The following RFTN2 variants were observed in gnomAD, a reference collection of about 807,000 sequenced individuals.
The protein encoded by RFTN2 is raftlin-2.
Under a neutral mutation model 52.7 loss-of-function variants are expected in RFTN2, and 34 were observed. The ratio of observed to expected loss-of-function variants is 0.64; its 90% confidence interval spans 0.49 to 0.86. The LOEUF (loss-of-function observed/expected upper bound fraction) is 0.86. Among genes scored for constraint, RFTN2 ranks in the 40% least tolerant of loss-of-function variants. The pLI is 0.00. For synonymous variants in RFTN2, 203 were observed against 217.7 expected, an observed-to-expected ratio of 0.93 and a Z score of 0.59; for missense variants, 536 against 600.1, an observed-to-expected ratio of 0.89 and a Z score of 1.12.
intron 5 of RFTN2, among the ~76,000 whole-genome samples, chr2:197,627,566 T>C (rs1023001860): frequency 6.6e-6 from 1 of 152,274 alleles, no homozygotes; most frequent in African/African-American, 2.4e-5. Context: ...CACACAAACA[T>C]TTTTATAGGA....
chr2:197,648,594 C>A (rs913976608), intron 1 of RFTN2, among the ~76,000 whole-genome samples: 3 of 152,082 alleles, frequency 2.0e-5, no homozygotes, highest in Non-Finnish European at 4.4e-5. Context: ...TGAAACATAA[C>A]CTAAACTTAT....
chr2:197,637,328 C>T (rs906721628), intron 3 of RFTN2, among the ~76,000 whole-genome samples: 1 of 152,118 alleles, frequency 6.6e-6, no homozygotes, highest in South Asian at 2.1e-4. Flanking sequence ...CCAGTTGTTC[C>T]TTGTACCTCT....
rs187844978 is a variant in RFTN2 at position 197,651,587 on chromosome 2, G to A, written c.140-4921C>T. 5.1e-3 allele frequency among the ~76,000 whole-genome samples: 770 copies of A among 152,188 alleles called. 10 individuals carry two copies. The highest frequency in any genetic ancestry group is 0.018 in the African/African-American group (730 of 41,512). On this transcript the variant is annotated intron_variant, in intron 1 of 8. Coordinates refer to ENST00000295049, the MANE Select transcript of RFTN2 (RefSeq NM_144629.3). ...TGAGCTATCGTGTCACTGCATTCCA[G>A]CCTGGGTGATAAGAGTGAAACTCCA...
At chr2:197,577,888 T>C (rs956858592) in intron 8 of RFTN2, among the ~76,000 whole-genome samples, 5 of 152,204 alleles carry the variant, frequency 3.3e-5, no homozygotes, top group Admixed American at 1.3e-4. Context: ...GGGTAATTTT[T>C]CTATTTTTTA....
chr2:197,573,085 A>G (rs1343587958), intron 8 of RFTN2, among the ~76,000 whole-genome samples: 5 of 142,430 alleles, frequency 3.5e-5, no homozygotes, highest in African/African-American at 1.3e-4. Flanking sequence ...AATACAGTAA[A>G]TTGGTACTAG....
At chr2:197,630,399 A>G (rs2088450007) in intron 5 of RFTN2, among the ~76,000 whole-genome samples, 1 of 152,094 alleles carries the variant, frequency 6.6e-6, no homozygotes, top group Non-Finnish European at 1.5e-5. Context: ...CATCTCTTAA[A>G]AAAACTTCCT....
intron 1 of RFTN2, among the ~76,000 whole-genome samples, chr2:197,661,490 A>C (rs758560134): frequency 6.6e-6 from 1 of 152,150 alleles, no homozygotes; most frequent in Non-Finnish European, 1.5e-5. Context: ...ATGGCTGAAT[A>C]GTATTCCACC....
chr2:197,629,843 C>T (rs1463922492), intron 5 of RFTN2, among the ~76,000 whole-genome samples: 1 of 151,984 alleles, frequency 6.6e-6, no homozygotes, highest in Non-Finnish European at 1.5e-5. Flanking sequence ...CCCACATCAG[C>T]CTCCTGGGTA....
At position 197,633,937 on chromosome 2, in the gene RFTN2, G is replaced by A; in HGVS notation, c.499C>T (p.Pro167Ser). Residue 167 changes from proline to serine, a missense_variant, in exon 4 of 9, where the codon CCA becomes TCA. Transcript: ENST00000295049. ...FVGFISQHYSPSKFCNGTNHD... is the reference protein window; with the variant it reads ...FVGFISQHYSSSKFCNGTNHD... The stretch of plus-strand genomic sequence containing the variant: ...TTGGTTCCATTGCAGAATTTAGATG[G>A]AGAATAATGCTGTGATATGAATCCA... The A allele has an allele frequency of 6.2e-7, 1 of 1,613,220 alleles. No homozygotes were observed. Among genetic ancestry groups the A allele is most frequent in the Non-Finnish European group, 8.5e-7 (1 of 1,179,358 alleles).
At chr2:197,626,589 AGT>A (rs1461170861) in intron 5 of RFTN2, among the ~76,000 whole-genome samples, 5 of 146,240 alleles carry the variant, frequency 3.4e-5, no homozygotes, top group East Asian at 2.0e-4. Context: ...AAATAAATAA[AGT>A]TAAAATAAAA....
chr2:197,653,633 A>G (rs1005143173), intron 1 of RFTN2, among the ~76,000 whole-genome samples: 1 of 152,230 alleles, frequency 6.6e-6, no homozygotes, highest in African/African-American at 2.4e-5. Flanking sequence ...GCAACTTCAA[A>G]AATCTATTGG....
chr2:197,570,807 AATG>A lies in RFTN2; in HGVS notation c.*1198_*1200del, dbSNP rs1347960417. ...TTCAATAAAACAATAACACAATAAA[AATG>A]ATGTTTTATTATTAAAATGATCTTA... On this transcript the variant is annotated 3_prime_UTR_variant, in exon 9 of 9. Coordinates refer to ENST00000295049, the MANE Select transcript of RFTN2 (RefSeq NM_144629.3). 16 of 152,392 alleles carry A rather than the reference AATG, an allele frequency of 1.0e-4. No homozygotes were observed. The highest frequency in any genetic ancestry group is 2.1e-4 in the South Asian group (1 of 4,832). The allele number at this position is 152,392 out of a possible 1,614,324, so 9.4% of individuals were successfully genotyped here.
At position 197,646,309 on chromosome 2, in the gene RFTN2, G is replaced by A. The variant is rs541049122; in HGVS notation, c.323+174C>T. ...AGCAAAAATCAATCAGGAGTTTTAA[G>A]GAAGGAGGTGTAACATTTCCTTGCT... On this transcript the variant is annotated intron_variant, in intron 2 of 8. Coordinates refer to ENST00000295049, the MANE Select transcript of RFTN2 (RefSeq NM_144629.3). Among the ~76,000 whole-genome samples the A allele has an allele frequency of 2.6e-4, 39 of 152,316 alleles. No individual in the cohort carries two copies. In the South Asian group the frequency reaches 7.7e-3, roughly 30 times the overall value.
chr2:197,674,667 C>T (rs140220417), intron 1 of RFTN2, among the ~76,000 whole-genome samples: 2 of 152,150 alleles, frequency 1.3e-5, no homozygotes, highest in African/African-American at 4.8e-5. Context: ...AATCGAGCCA[C>T]CTCGATTCCT....
At chr2:197,656,688 A>C (rs1479499184) in intron 1 of RFTN2, among the ~76,000 whole-genome samples, 1 of 152,166 alleles carries the variant, frequency 6.6e-6, no homozygotes, top group Non-Finnish European at 1.5e-5. Context: ...TCGTTCCCAA[A>C]CTACAGAACT....
intron 4 of RFTN2, among the ~76,000 whole-genome samples, chr2:197,631,524 T>C (rs1224254619): frequency 6.6e-6 from 1 of 152,214 alleles, no homozygotes; most frequent in African/African-American, 2.4e-5. Flanking sequence ...TAACCATAAA[T>C]GATGTGTAAC....
chr2:197,598,349 A>T (rs1286737427), intron 7 of RFTN2, among the ~76,000 whole-genome samples: 5 of 152,088 alleles, frequency 3.3e-5, no homozygotes, highest in Non-Finnish European at 7.4e-5. Context: ...AAAAAAGAAA[A>T]ACAAATTCAA....
rs560956092 is a variant in RFTN2, at chr2:197,587,928, A to T, written c.1233+8063T>A. The T allele has an allele frequency of 1.5e-3, 708 of 458,980 alleles. 1 individual carries two copies. The highest frequency in any genetic ancestry group is 2.4e-3 in the Non-Finnish European group (539 of 223,934). 28.4% of individuals were successfully genotyped at this position (458,980 alleles called of 1,614,324 possible). ...TACAGAGGTGGGGCCCAGACCCAGA[A>T]AGAAAACAGGATTTGTCCAAGGTCA... On this transcript the variant is annotated intron_variant, in intron 8 of 8. Transcript: ENST00000295049.
At chr2:197,575,786 A>ATTCTATATATTTTATATACATAAT (rs1272756727) in intron 8 of RFTN2, among the ~76,000 whole-genome samples, 1 of 99,148 alleles carries the variant, frequency 1.0e-5, no homozygotes, top group Non-Finnish European at 2.1e-5. Flanking sequence ...TTCTATATAT[A>ATTCTATATATTTTATATACATAAT]ATATATTATA....
Sources: allele counts gnomAD v4.1 joint callset (sites outside exome capture counted in the v4.1 genomes callset), GRCh38; gene constraint gnomAD v4.1.1; transcripts MANE v1.5; gene names NCBI Gene and HGNC (gene_info 2026-07-23, HGNC 2026-07-21).